Variants in PRR16 observed in about 807,000 individuals in gnomAD.
The protein encoded by PRR16 is proline rich 16, also known as protein Largen.
PRR16 carries 6 observed loss-of-function variants against 18.2 expected under a neutral mutation model. The observed-to-expected ratio is 0.33, with a 90% confidence interval of 0.18 to 0.65. The LOEUF (loss-of-function observed/expected upper bound fraction) is 0.65. Ranked by LOEUF, PRR16 falls within the 30% of genes least tolerant of loss-of-function variation. The pLI is 0.74. For missense variants in PRR16, 412 were observed against 376.6 expected, an observed-to-expected ratio of 1.09 and a Z score of -0.78; for synonymous variants, 151 against 147.8, an observed-to-expected ratio of 1.02 and a Z score of -0.16.
chr5:120,510,201 G>A (rs1326005914), intron 1 of PRR16, among the ~76,000 whole-genome samples: 2 of 152,148 alleles, frequency 1.3e-5, no homozygotes, highest in Non-Finnish European at 2.9e-5. Flanking sequence ...GTTAAAGTAA[G>A]AGAATGATTT....
At chr5:120,753,716 C>A in the PRR16 span, among the ~76,000 whole-genome samples, 2 of 149,146 alleles carry the variant, frequency 1.3e-5, no homozygotes, top group African/African-American at 4.9e-5. Context: ...TCAATTCTTA[C>A]AACTGCCATA....
chr5:120,704,400 T>C, the PRR16 span, among the ~76,000 whole-genome samples: 3 of 152,128 alleles, frequency 2.0e-5, no homozygotes, highest in African/African-American at 7.2e-5. Context: ...CCTGAAAGAA[T>C]GCAGGGTTTC....
intron 1 of PRR16, among the ~76,000 whole-genome samples, chr5:120,666,165 G>T (rs1445573338): frequency 1.3e-5 from 2 of 152,116 alleles, no homozygotes; most frequent in East Asian, 1.9e-4. Context: ...CCTTGAAGAG[G>T]TCCTTCACAT....
intron 1 of PRR16, among the ~76,000 whole-genome samples, chr5:120,645,386 C>A (rs577466246): frequency 6.7e-6 from 1 of 149,454 alleles, no homozygotes; most frequent in Non-Finnish European, 1.5e-5. Flanking sequence ...CCACCCATCC[C>A]CCCCCCACAC....
chr5:120,664,997 G>A (rs1244707993), intron 1 of PRR16, among the ~76,000 whole-genome samples: 2 of 151,574 alleles, frequency 1.3e-5, no homozygotes, highest in African/African-American at 2.4e-5. Flanking sequence ...GGGTCAAATG[G>A]TATTTCTAGT....
At chr5:120,475,023 T>C (rs1372709448) in intron 1 of PRR16, among the ~76,000 whole-genome samples, 2 of 152,184 alleles carry the variant, frequency 1.3e-5, no homozygotes, top group African/African-American at 4.8e-5. Context: ...GGACAAATTA[T>C]AGATGATGAT....
the PRR16 span, among the ~76,000 whole-genome samples, chr5:120,716,756 C>T: frequency 6.6e-6 from 1 of 152,106 alleles, no homozygotes; most frequent in Non-Finnish European, 1.5e-5. Flanking sequence ...CTTATAATCC[C>T]AGCTACTCAG....
intron 1 of PRR16, among the ~76,000 whole-genome samples, chr5:120,586,313 A>G (rs1753441849): frequency 6.6e-6 from 1 of 152,230 alleles, no homozygotes; most frequent in Non-Finnish European, 1.5e-5. Context: ...AACTACTTAG[A>G]GGAAGGAAAG....
At chr5:120,492,316 T>C (rs1429759783) in intron 1 of PRR16, among the ~76,000 whole-genome samples, 1 of 151,656 alleles carries the variant, frequency 6.6e-6, no homozygotes, top group Non-Finnish European at 1.5e-5. Context: ...ACACAAGGTC[T>C]CCTTATTTTT....
At chr5:120,495,479 A>G (rs545393455) in intron 1 of PRR16, among the ~76,000 whole-genome samples, 12 of 152,244 alleles carry the variant, frequency 7.9e-5, no homozygotes, top group East Asian at 1.9e-4. Context: ...ACTTAGTACA[A>G]TGCCTACAAT....
the PRR16 span, among the ~76,000 whole-genome samples, chr5:120,763,153 A>T: frequency 8.5e-6 from 1 of 117,936 alleles, no homozygotes; most frequent in Non-Finnish European, 1.8e-5. Flanking sequence ...TTTAATAGCA[A>T]TTTTTTTTTT....
At chr5:120,617,346 G>A (rs907384154) in intron 1 of PRR16, among the ~76,000 whole-genome samples, 1 of 152,116 alleles carries the variant, frequency 6.6e-6, no homozygotes, top group Non-Finnish European at 1.5e-5. Flanking sequence ...AAGTTATCAA[G>A]TGATGACCAT....
chr5:120,744,648 G>C, the PRR16 span, among the ~76,000 whole-genome samples: 3 of 152,098 alleles, frequency 2.0e-5, no homozygotes, highest in East Asian at 3.9e-4. Flanking sequence ...TTTTAAAATA[G>C]AGCTCATGAC....
chr5:120,584,655 A>G, intron 1 of PRR16, among the ~76,000 whole-genome samples: 1 of 152,174 alleles, frequency 6.6e-6, no homozygotes, highest in Non-Finnish European at 1.5e-5. Context: ...ATGGACTAAG[A>G]GATATTTTGT....
chr5:120,488,391 C>T (rs944110332), intron 1 of PRR16, among the ~76,000 whole-genome samples: 2 of 152,038 alleles, frequency 1.3e-5, no homozygotes, highest in Admixed American at 6.6e-5. Context: ...GTGTATGTGT[C>T]GAGGAATTTA....
At chr5:120,545,386 A>G (rs1162308916) in intron 1 of PRR16, among the ~76,000 whole-genome samples, 1 of 152,108 alleles carries the variant, frequency 6.6e-6, no homozygotes, top group African/African-American at 2.4e-5. Flanking sequence ...TGTCAAGTTC[A>G]TCAGTAAAGT....
At chr5:120,620,564 C>T (rs1032351373) in intron 1 of PRR16, among the ~76,000 whole-genome samples, 1 of 152,102 alleles carries the variant, frequency 6.6e-6, no homozygotes, top group East Asian at 1.9e-4. Context: ...CCAGAGAGTA[C>T]TACATTTTGT....
chr5:120,630,789 C>T (rs956038322), intron 1 of PRR16, among the ~76,000 whole-genome samples: 7 of 152,128 alleles, frequency 4.6e-5, no homozygotes, highest in Non-Finnish European at 7.4e-5. Context: ...TCAACTTCCT[C>T]CCCAACAAAG....
At chr5:120,521,694 T>C (rs1309601848) in intron 1 of PRR16, among the ~76,000 whole-genome samples, 1 of 152,212 alleles carries the variant, frequency 6.6e-6, no homozygotes, top group East Asian at 1.9e-4. Context: ...TATTATACTT[T>C]AAGTTCTAGG....
Sources: allele counts gnomAD v4.1 joint callset (sites outside exome capture counted in the v4.1 genomes callset), GRCh38; gene constraint gnomAD v4.1.1; transcripts MANE v1.5; gene names NCBI Gene and HGNC (gene_info 2026-07-23, HGNC 2026-07-21).